The following FAT3 variants were observed in gnomAD, a reference collection of about 807,000 sequenced individuals.
FAT3 encodes protocadherin Fat 3.
A neutral mutation model predicts 310.2 loss-of-function variants in FAT3; 95 were observed. The ratio of observed to expected loss-of-function variants is 0.31; its 90% CI spans 0.26 to 0.36. The LOEUF (loss-of-function observed/expected upper bound fraction) is 0.36. Ranked by LOEUF, FAT3 falls within the 10% of genes least tolerant of loss-of-function variation. The pLI is 1.00. For missense variants in FAT3, 5,408 were observed against 5,715.6 expected (o/e 0.95, Z 1.74); for synonymous variants, 2,314 against 2,192.9 (o/e 1.06, Z -1.54).
chr11:92,341,861 C>T (rs1948272010), intron 1 of FAT3, among the ~76,000 whole-genome samples: 1 of 152,154 alleles, frequency 6.6e-6, no homozygotes, highest in African/African-American at 2.4e-5. Context: ...CTCCCTTCTC[C>T]TCTCCTGATA....
rs1949703043 is a variant in FAT3, at chr11:92,882,783, C to G, written c.12327C>G (p.Asn4109Lys). 3 of 1,611,382 alleles carry G rather than the reference C, an allele frequency of 1.9e-6. No individual in the cohort carries two copies. Among genetic ancestry groups the G allele is most frequent in the Non-Finnish European group, 2.5e-6 (3 of 1,178,882 alleles). Residue 4109 changes from asparagine (N) to lysine (K), a missense_variant, in exon 24 of 28, where the codon AAC (asparagine) becomes AAG (lysine). By Grantham distance (94) the Asn-to-Lys change is moderately conservative (BLOSUM62 0). Transcript: ENST00000525166. ...AGTGCGAACGAGAGGAGTGTGAGAACGGAGGCTCCTGCGTGAACGTGTTCG... is the reference window on the plus strand; with the variant it reads ...AGTGCGAACGAGAGGAGTGTGAGAAGGGAGGCTCCTGCGTGAACGTGTTCG... ...INECEREECE[N>K]GGSCVNVFGS...
At chr11:92,595,372 A>G (rs1939650771) in intron 3 of FAT3, among the ~76,000 whole-genome samples, 1 of 152,176 alleles carries the variant, frequency 6.6e-6, no homozygotes, top group Non-Finnish European at 1.5e-5. Flanking sequence ...AATCTGTTGA[A>G]TTGAGCACAG....
At chr11:92,248,001 A>G (rs557863895) in intron 1 of FAT3, among the ~76,000 whole-genome samples, 33 of 152,264 alleles carry the variant, frequency 2.2e-4, no homozygotes, top group Admixed American at 2.0e-3. Flanking sequence ...GTTCATGTAG[A>G]TAATAACTTT....
intron 3 of FAT3, among the ~76,000 whole-genome samples, chr11:92,542,620 C>G (rs904895983): frequency 1.1e-4 from 17 of 151,776 alleles, no homozygotes; most frequent in African/African-American, 4.1e-4. Flanking sequence ...CAGAGAAATG[C>G]AAATTGAGAT....
intron 2 of FAT3, among the ~76,000 whole-genome samples, chr11:92,432,292 G>A (rs929694500): frequency 3.3e-5 from 5 of 152,006 alleles, no homozygotes; most frequent in African/African-American, 1.2e-4. Flanking sequence ...TGATTTGGCT[G>A]TTTGTCTGTT....
intron 2 of FAT3, among the ~76,000 whole-genome samples, chr11:92,518,403 AAC>A (rs754526161): frequency 6.6e-6 from 1 of 152,138 alleles, no homozygotes; most frequent in Non-Finnish European, 1.5e-5. Flanking sequence ...TCAGCAAACT[AAC>A]ACAGAACAGA....
At chr11:92,613,003 C>T (rs536879865) in intron 3 of FAT3, among the ~76,000 whole-genome samples, 13 of 152,272 alleles carry the variant, frequency 8.5e-5, no homozygotes, top group African/African-American at 3.1e-4. Flanking sequence ...ATAGGTAGGA[C>T]GGGATCGTAG....
intron 7 of FAT3, among the ~76,000 whole-genome samples, chr11:92,782,134 A>G (rs553669603): frequency 2.1e-4 from 32 of 152,184 alleles, no homozygotes; most frequent in Admixed American, 4.6e-4. Flanking sequence ...CACAGCGAGA[A>G]CTTATTTCTG....
At chr11:92,240,592 A>G (rs1243731490) in intron 1 of FAT3, among the ~76,000 whole-genome samples, 3 of 150,504 alleles carry the variant, frequency 2.0e-5, no homozygotes, top group Non-Finnish European at 4.4e-5. Flanking sequence ...AAAAAAACCC[A>G]AAAAACCAAA....
intron 3 of FAT3, among the ~76,000 whole-genome samples, chr11:92,603,611 T>C (rs1314048228): frequency 6.6e-6 from 1 of 152,236 alleles, no homozygotes; most frequent in Non-Finnish European, 1.5e-5. Context: ...CACTTGGGTG[T>C]GCTTCTGACC....
chr11:92,342,324 C>T (rs1948285768), intron 1 of FAT3, among the ~76,000 whole-genome samples: 1 of 152,150 alleles, frequency 6.6e-6, no homozygotes, highest in African/African-American at 2.4e-5. Context: ...TGGCTTTCCC[C>T]TTGCCCTGCG....
At chr11:92,418,443 C>A (rs1950466092) in intron 2 of FAT3, among the ~76,000 whole-genome samples, 2 of 120,748 alleles carry the variant, frequency 1.7e-5, no homozygotes. Flanking sequence ...CCCACACACA[C>A]ACAGAGAAAA....
chr11:92,463,293 A>T (rs566361753), intron 2 of FAT3, among the ~76,000 whole-genome samples: 2 of 152,302 alleles, frequency 1.3e-5, no homozygotes, highest in South Asian at 4.1e-4. Context: ...GATATTCTTT[A>T]GCAAATTATT....
intron 3 of FAT3, among the ~76,000 whole-genome samples, chr11:92,587,968 T>TGA (rs1939236301): frequency 6.6e-6 from 1 of 152,040 alleles, no homozygotes; most frequent in Non-Finnish European, 1.5e-5. Flanking sequence ...TGGCCAGCAG[T>TGA]GATAATAACC....
intron 3 of FAT3, among the ~76,000 whole-genome samples, chr11:92,622,921 A>G (rs1941150760): frequency 1.3e-5 from 2 of 152,102 alleles, no homozygotes; most frequent in African/African-American, 2.4e-5. Flanking sequence ...TTAAAGAATT[A>G]TGACCCTACT....
chr11:92,456,034 A>C (rs1309686660), intron 2 of FAT3, among the ~76,000 whole-genome samples: 1 of 152,160 alleles, frequency 6.6e-6, no homozygotes, highest in East Asian at 1.9e-4. Flanking sequence ...AACGCTGAGA[A>C]TCTGCAATGA....
In FAT3 at chr11:92,352,339, C is replaced by T. The variant is rs1366375056; in HGVS notation, c.227C>T (p.Ser76Phe). 1.3e-6 allele frequency: 2 copies of T among 1,579,684 alleles called. No homozygotes were observed. The highest frequency in any genetic ancestry group is 2.4e-5 in the East Asian group (1 of 42,036). ...SRMGITLIDL[S>F]WDIKYRIVSG... is the part of the protein sequence containing the mutation. ...ATGGGCATCACCTTAATAGATCTAT[C>T]CTGGGATATCAAATACAGAATAGTG... is the stretch of plus-strand genomic sequence containing the variant. Residue 76 changes from serine to phenylalanine, a missense_variant, in exon 2 of 28, where the codon TCC (serine) becomes TTC (phenylalanine). By Grantham distance (155) the Ser-to-Phe change is radical. This residue lies in a region of FAT3 where 152 missense variants were observed against 188.3 expected (regional missense o/e 0.81). Coordinates refer to ENST00000525166, the MANE Select transcript of FAT3 (RefSeq NM_001367949.2).
chr11:92,786,745 C>T (rs866381370), intron 7 of FAT3, among the ~76,000 whole-genome samples: 4 of 152,090 alleles, frequency 2.6e-5, no homozygotes, highest in South Asian at 4.1e-4. Context: ...ATCCAACCAT[C>T]CCAATTCTAG....
Position 92,352,363 on chromosome 11 carries a change from T to G in FAT3, c.251T>G (p.Val84Gly). The G allele has an allele frequency of 6.2e-7, 1 of 1,601,484 alleles. No individual in the cohort carries two copies. Among genetic ancestry groups the G allele is most frequent in the Non-Finnish European group, 8.5e-7 (1 of 1,172,660 alleles). Residue 84 changes from valine to glycine, a missense_variant, in exon 2 of 28, where the codon GTG becomes GGG. This residue lies in a region of FAT3 where 152 missense variants were observed against 188.3 expected (regional missense o/e 0.81). Coordinates refer to ENST00000525166, the MANE Select transcript of FAT3 (RefSeq NM_001367949.2). ...TCCTGGGATATCAAATACAGAATAG[T>G]GTCCGGAGACGAGGAAGGCTTTTTC... ...DLSWDIKYRIVSGDEEGFFKA... is the reference protein window; with the variant it reads ...DLSWDIKYRIGSGDEEGFFKA...
Sources: gnomAD v4.1 joint callset for allele counts (sites outside exome capture counted in the v4.1 genomes callset) on GRCh38, gnomAD v4.1.1 for gene constraint, gnomAD v4.1.1 regional missense constraint, MANE v1.5 for transcripts, NCBI Gene and HGNC (gene_info 2026-07-23, HGNC 2026-07-21) for gene names.